Variants in DGKB observed in about 807,000 individuals in gnomAD.
DGKB encodes the protein 90 kDa diacylglycerol kinase.
A neutral mutation model predicts 114.3 loss-of-function variants in DGKB; 67 were observed. That is an observed-to-expected ratio of 0.59 (90% CI 0.48 to 0.72). The LOEUF is 0.72. Among genes scored for constraint, DGKB ranks in the 30% least tolerant of loss-of-function variants. The pLI, the probability that DGKB is intolerant of heterozygous loss-of-function variation, is 0.00. For missense variants in DGKB, 907 were observed against 975.2 expected, an observed-to-expected ratio of 0.93 and a Z score of 0.93; for synonymous variants, 398 against 323.1, an observed-to-expected ratio of 1.23 and a Z score of -2.49.
intron 21 of DGKB, among the ~76,000 whole-genome samples, chr7:14,384,284 A>C (rs1819966207): frequency 1.3e-5 from 2 of 152,326 alleles, no homozygotes; most frequent in Non-Finnish European, 2.9e-5. Context: ...AAATTATTAC[A>C]TTCTATTTAG....
intron 1 of DGKB, among the ~76,000 whole-genome samples, chr7:14,946,084 T>C (rs545649765): frequency 5.9e-5 from 9 of 151,744 alleles, no homozygotes; most frequent in Admixed American, 1.3e-4. Context: ...ATATTATTAA[T>C]ATATGGGTAT....
intron 1 of DGKB, among the ~76,000 whole-genome samples, chr7:14,897,056 C>G (rs143991453): frequency 6.6e-6 from 1 of 151,824 alleles, no homozygotes; most frequent in East Asian, 1.9e-4. Flanking sequence ...TAAATAGCTG[C>G]GCATTTCTCA....
chr7:14,835,903 T>C (rs1586816337), intron 2 of DGKB, among the ~76,000 whole-genome samples: 1 of 152,108 alleles, frequency 6.6e-6, no homozygotes, highest in African/African-American at 2.4e-5. Context: ...CAATAATTTG[T>C]CTCCCTCTGA....
intron 2 of DGKB, among the ~76,000 whole-genome samples, chr7:14,783,949 A>G (rs1431290280): frequency 2.6e-5 from 4 of 152,188 alleles, no homozygotes; most frequent in Non-Finnish European, 5.9e-5. Flanking sequence ...AAATACTTAA[A>G]ATTGATTTGA....
At position 14,324,024 on chromosome 7, in the gene DGKB, G is replaced by T. The variant is rs1025706233; in HGVS notation, c.2122+14491C>A. ...TCCATCCTACACAATTCCTAATGAA[G>T]GAAAAAGACAGAAACCAGCAGTTAA... On this transcript the variant is annotated intron_variant, in intron 23 of 25. Coordinates refer to ENST00000402815, the MANE Select transcript of DGKB (RefSeq NM_001350709.2). 2.0e-5 allele frequency among the ~76,000 whole-genome samples: 3 copies of T among 152,046 alleles called. No individual in the cohort carries two copies. The East Asian group carries it at 5.8e-4, about 29-fold the overall frequency.
chr7:14,780,190 T>C (rs1838854336), intron 2 of DGKB, among the ~76,000 whole-genome samples: 2 of 152,084 alleles, frequency 1.3e-5, no homozygotes. Context: ...AAGCACATGA[T>C]GAAAGTAACA....
intron 25 of DGKB, among the ~76,000 whole-genome samples, chr7:14,172,209 A>G (rs1008512344): frequency 6.6e-6 from 1 of 150,464 alleles, no homozygotes; most frequent in African/African-American, 2.4e-5. Context: ...TTATGTTGGT[A>G]AAACAGGAAG....
intron 2 of DGKB, among the ~76,000 whole-genome samples, chr7:14,778,265 T>G (rs953036467): frequency 7.9e-5 from 12 of 152,210 alleles, no homozygotes; most frequent in African/African-American, 2.9e-4. Flanking sequence ...GATGACAGAT[T>G]GAGCAATCTC....
chr7:14,793,395 G>T (rs1412476078), intron 2 of DGKB, among the ~76,000 whole-genome samples: 3 of 151,966 alleles, frequency 2.0e-5, no homozygotes, highest in South Asian at 4.1e-4. Flanking sequence ...ATCTCAGTTA[G>T]GACACTCTAA....
chr7:14,789,092 A>G (rs547669299), intron 2 of DGKB, among the ~76,000 whole-genome samples: 1 of 152,056 alleles, frequency 6.6e-6, no homozygotes, highest in East Asian at 1.9e-4. Flanking sequence ...TTTTTTAATT[A>G]AATGTTGAAA....
At chr7:14,972,848 C>T (rs568280782) in intron 1 of DGKB, among the ~76,000 whole-genome samples, 1 of 152,026 alleles carries the variant, frequency 6.6e-6, no homozygotes, top group Non-Finnish European at 1.5e-5. Context: ...AGATACTTAT[C>T]TTTCCACTCT....
At chr7:14,897,511 T>A (rs181337327) in intron 1 of DGKB, among the ~76,000 whole-genome samples, 5 of 152,076 alleles carry the variant, frequency 3.3e-5, no homozygotes, top group African/African-American at 4.8e-5. Context: ...TTCACACTAT[T>A]GTCCCACAAG....
intron 20 of DGKB, among the ~76,000 whole-genome samples, chr7:14,564,999 C>T (rs1797181897): frequency 6.6e-6 from 1 of 152,086 alleles, no homozygotes; most frequent in South Asian, 2.1e-4. Flanking sequence ...GATAAACTTT[C>T]TCCCATTCCT....
chr7:14,682,527 G>C, intron 12 of DGKB, 26 bp downstream of exon 12: 4 of 1,503,186 alleles, frequency 2.7e-6, no homozygotes, highest in Non-Finnish European at 3.7e-6. Context: ...GTGAATGCTG[G>C]GATTTGTTTT....
intron 1 of DGKB, among the ~76,000 whole-genome samples, chr7:14,912,539 A>AG (rs1339595990): frequency 6.6e-6 from 1 of 152,134 alleles, no homozygotes; most frequent in Admixed American, 6.5e-5. Context: ...ACCACGCAGG[A>AG]GGCTGTTGAA....
chr7:14,356,349 G>C (rs901390673), intron 21 of DGKB, among the ~76,000 whole-genome samples: 3 of 109,326 alleles, frequency 2.7e-5, no homozygotes, highest in Non-Finnish European at 3.7e-5. Context: ...TGCTTCTCTA[G>C]TTCTTTTTTT....
chr7:14,638,830 A>T (rs1811215635), intron 13 of DGKB, among the ~76,000 whole-genome samples: 1 of 152,050 alleles, frequency 6.6e-6, no homozygotes. Flanking sequence ...TCATCTGAGG[A>T]GTTTGAGACC....
chr7:14,657,571 G>A (rs1181826000), intron 13 of DGKB, among the ~76,000 whole-genome samples: 1 of 151,804 alleles, frequency 6.6e-6, no homozygotes, highest in East Asian at 1.9e-4. Flanking sequence ...GGAAATAGAT[G>A]ACTTCAGTAA....
intron 23 of DGKB, among the ~76,000 whole-genome samples, chr7:14,182,923 T>C (rs1782849631): frequency 1.3e-5 from 2 of 152,190 alleles, no homozygotes; most frequent in Non-Finnish European, 2.9e-5. Flanking sequence ...GGAGAAAGGC[T>C]GGAGCAGAGT....
Sources: allele counts gnomAD v4.1 joint callset (sites outside exome capture counted in the v4.1 genomes callset), GRCh38; gene constraint gnomAD v4.1.1; transcripts MANE v1.5; gene names NCBI Gene and HGNC (gene_info 2026-07-23, HGNC 2026-07-21).